The following ARHGEF4 variants were observed in gnomAD, a reference collection of about 807,000 sequenced individuals.
The protein encoded by ARHGEF4 is APC-stimulated guanine nucleotide exchange factor 1.
Under a neutral mutation model 162.0 loss-of-function variants are expected in ARHGEF4, and 119 were observed. That is an observed-to-expected ratio of 0.73 (90% CI 0.63 to 0.86). ARHGEF4 has a LOEUF of 0.86. ARHGEF4 is among the 40% of genes least tolerant of loss of function. ARHGEF4 has a pLI of 0.00. For missense variants in ARHGEF4, 2,488 were observed against 2,456.0 expected, an observed-to-expected ratio of 1.01 and a Z score of -0.28; for synonymous variants, 1,014 against 979.9, an observed-to-expected ratio of 1.03 and a Z score of -0.65.
At chr2:130,946,830 C>A in intron 4 of ARHGEF4, 195 bp downstream of exon 4, 1 of 671,084 alleles carries the variant, frequency 1.5e-6, no homozygotes, top group Non-Finnish European at 2.3e-6. Context: ...TGGCTGGGCA[C>A]AGTGGCTCAT....
At chr2:131,045,748 G>A (rs776516838) in intron 13 of ARHGEF4, 105 of 1,430,306 alleles carry the variant, frequency 7.3e-5, no homozygotes, top group Non-Finnish European at 8.9e-5. Flanking sequence ...TAGGGATGGA[G>A]CTGCTTTCCC....
chr2:130,976,005 G>A (rs544463277), intron 4 of ARHGEF4, among the ~76,000 whole-genome samples: 2 of 152,246 alleles, frequency 1.3e-5, no homozygotes, highest in South Asian at 2.1e-4. Flanking sequence ...ATGGGGGTCC[G>A]TCACAGGCTG....
chr2:130,845,176 A>C (rs1393531469), intron 1 of ARHGEF4, among the ~76,000 whole-genome samples: 1 of 150,934 alleles, frequency 6.6e-6, no homozygotes, highest in Admixed American at 6.6e-5. Context: ...AAACTTGGCC[A>C]AGTGTGATGC....
At chr2:130,991,096 C>A (rs1449012552) in intron 4 of ARHGEF4, among the ~76,000 whole-genome samples, 1 of 152,102 alleles carries the variant, frequency 6.6e-6, no homozygotes, top group Admixed American at 6.5e-5. Flanking sequence ...ACAGATTTTC[C>A]AAAATGAAGG....
At chr2:130,842,584 G>A (rs1680681429) in intron 1 of ARHGEF4, among the ~76,000 whole-genome samples, 1 of 152,160 alleles carries the variant, frequency 6.6e-6, no homozygotes, top group African/African-American at 2.4e-5. Flanking sequence ...AGCAAGAGCT[G>A]TTTCTCCCAC....
chr2:130,915,727 T>C lies in ARHGEF4; in HGVS notation c.1781T>C (p.Val594Ala), dbSNP rs1003100201. 6.5e-7 allele frequency: 1 copy of C among 1,549,152 alleles called. No individual in the cohort carries two copies. The highest frequency in any genetic ancestry group is 1.2e-5 in the South Asian group (1 of 83,972). The change falls in exon 2 of 14, where the codon GTG (valine) becomes GCG (alanine). Residue 594 changes from valine to alanine, a missense_variant. Physicochemically the swap from Val to Ala is moderately conservative, Grantham distance 64. Around this residue, in one of 6 missense-constraint regions of ARHGEF4, gnomAD observed 1,642 missense variants for 1,481.5 expected, o/e 1.11. Transcript: ENST00000409359. ...CTTTCAGAATTCAAGGCAGCCACGG[T>C]GTCTCACTGCGGCCCCGGGGCTGAG... ...QGLSEFKAATVSHCGPGAEEG... is the reference protein window; with the variant it reads ...QGLSEFKAATASHCGPGAEEG...
chr2:130,875,318 C>T (rs776376901), intron 1 of ARHGEF4, among the ~76,000 whole-genome samples: 5 of 152,146 alleles, frequency 3.3e-5, no homozygotes, highest in Non-Finnish European at 5.9e-5. Flanking sequence ...ATCTGACCAC[C>T]TCCTGGATAC....
intron 4 of ARHGEF4, among the ~76,000 whole-genome samples, chr2:131,006,008 G>A (rs1471164652): frequency 2.6e-5 from 4 of 152,134 alleles, no homozygotes; most frequent in South Asian, 2.1e-4. Context: ...AAAAGCAGCC[G>A]AAGAAGCCAG....
At chr2:130,850,698 C>T (rs550885980) in intron 1 of ARHGEF4, among the ~76,000 whole-genome samples, 1 of 152,354 alleles carries the variant, frequency 6.6e-6, no homozygotes, top group East Asian at 1.9e-4. Flanking sequence ...CATGTCCCTA[C>T]CTTCAGATGC....
intron 4 of ARHGEF4, among the ~76,000 whole-genome samples, chr2:130,953,621 C>T (rs1343043721): frequency 6.6e-6 from 1 of 152,142 alleles, no homozygotes; most frequent in East Asian, 1.9e-4. Flanking sequence ...GAACAGACAA[C>T]CTACAGAATG....
intron 5 of ARHGEF4, among the ~76,000 whole-genome samples, chr2:131,036,068 C>T (rs189278105): frequency 1.3e-5 from 2 of 152,354 alleles, no homozygotes; most frequent in African/African-American, 2.4e-5. Context: ...TCTCCGCTCC[C>T]TGCAGGCAGA....
At position 130,915,915 on chromosome 2, in the gene ARHGEF4, C is replaced by T. The variant is rs1475434523; in HGVS notation, c.1969C>T (p.Arg657Cys). ...GGGGCCTGTTCCAGAAACACTGCCC[C>T]GTGACTTTCCTAAGGAAAGACCAGA... ...NAGPVPETLP[R>C]DFPKERPESP... The change falls in exon 2 of 14, where the codon CGT becomes TGT. Residue 657 changes from arginine (R) to cysteine (C), a missense_variant. Arg to Cys is a radical substitution (Grantham distance 180). Coordinates refer to ENST00000409359, the MANE Select transcript of ARHGEF4 (RefSeq NM_001367493.1). 5 of 1,550,516 alleles carry T rather than the reference C, an allele frequency of 3.2e-6. No individual in the cohort carries two copies. The highest frequency in any genetic ancestry group is 3.9e-5 in the Admixed American group (2 of 50,986).
In ARHGEF4 at chr2:130,972,195, G is replaced by A. The variant is rs1010584592; in HGVS notation, c.3985+25560G>A. On this transcript the variant is annotated intron_variant, in intron 4 of 13. Transcript: ENST00000409359. ...GAACCTATGAAATAATTATATTGCC[G>A]CGAAAATAAGAATACTCAGTAAGAA... Among the ~76,000 whole-genome samples the A allele has an allele frequency of 3.3e-5, 5 of 152,232 alleles. No individual in the cohort carries two copies. The South Asian group carries it at 6.2e-4, about 19-fold the overall frequency.
intron 13 of ARHGEF4, chr2:131,045,739 A>ACACCCCAGAT: frequency 1.4e-6 from 2 of 1,433,810 alleles, no homozygotes; most frequent in Non-Finnish European, 1.8e-6. Flanking sequence ...GGGTTGGTGT[A>ACACCCCAGAT]GGGATGGAGC....
chr2:131,027,530 T>C (rs1191116217), intron 4 of ARHGEF4, among the ~76,000 whole-genome samples: 1 of 152,210 alleles, frequency 6.6e-6, no homozygotes, highest in East Asian at 1.9e-4. Context: ...CATATTTGCA[T>C]GTATGTAACT....
At chr2:130,865,264 T>C (rs1050604465) in intron 1 of ARHGEF4, among the ~76,000 whole-genome samples, 3 of 152,226 alleles carry the variant, frequency 2.0e-5, no homozygotes, top group Non-Finnish European at 4.4e-5. Context: ...TATGGCAGCA[T>C]CGTGTCCGGT....
In ARHGEF4 at chr2:131,012,915, G is replaced by A. The variant is rs573818845; in HGVS notation, c.3986-15030G>A. 1.3e-4 allele frequency among the ~76,000 whole-genome samples: 20 copies of A among 152,320 alleles called. 1 individual carries two copies. The highest frequency in any genetic ancestry group is 1.2e-3 in the Admixed American group (18 of 15,300). ...GACATTCAGCAGTTGACTGTGGAGA[G>A]CACAGTGGAAAGGAAGTCTACCAAT... is the stretch of plus-strand genomic sequence containing the variant. On this transcript the variant is annotated intron_variant, in intron 4 of 13. Coordinates refer to ENST00000409359, the MANE Select transcript of ARHGEF4 (RefSeq NM_001367493.1).
At position 130,916,168 on chromosome 2, in the gene ARHGEF4, G is replaced by A. The variant is rs1373825065; in HGVS notation, c.2222G>A (p.Ser741Asn). Reference sequence around the variant, plus strand: ...CCGGGAGAGAGACTGCGTGGGGAGAGCCGGAGCTCCGGGTCAGGGGAGCGT... The same window carrying A: ...CCGGGAGAGAGACTGCGTGGGGAGAACCGGAGCTCCGGGTCAGGGGAGCGT... Reference protein sequence around the residue: ...EPPGERLRGESRSSGSGERGP... With the variant: ...EPPGERLRGENRSSGSGERGP... The change falls in exon 2 of 14, where the codon AGC becomes AAC. Residue 741 changes from serine to asparagine, a missense_variant. Physicochemically the swap from Ser to Asn is conservative, Grantham distance 46 (BLOSUM62 1). Coordinates refer to ENST00000409359, the MANE Select transcript of ARHGEF4 (RefSeq NM_001367493.1). 2 of 1,548,826 alleles carry A rather than the reference G, an allele frequency of 1.3e-6. No homozygotes were observed. Among genetic ancestry groups the A allele is most frequent in the East Asian group, 4.9e-5 (2 of 40,884 alleles).
intron 1 of ARHGEF4, among the ~76,000 whole-genome samples, chr2:130,911,004 A>G (rs1217503921): frequency 6.6e-6 from 1 of 152,334 alleles, no homozygotes; most frequent in East Asian, 1.9e-4. Flanking sequence ...CACATAGGAA[A>G]GTGTGCATAT....
Sources: gnomAD v4.1 joint callset for allele counts (sites outside exome capture counted in the v4.1 genomes callset) on GRCh38, gnomAD v4.1.1 for gene constraint, gnomAD v4.1.1 regional missense constraint, MANE v1.5 for transcripts, NCBI Gene and HGNC (gene_info 2026-07-23, HGNC 2026-07-21) for gene names.